The following NPAS3 variants were observed in gnomAD, a reference collection of about 807,000 sequenced individuals.
NPAS3 encodes the protein neuronal PAS domain-containing protein 3.
A neutral mutation model predicts 73.1 loss-of-function variants in NPAS3; 14 were observed. The ratio of observed to expected loss-of-function variants is 0.19; its 90% CI spans 0.13 to 0.30. The LOEUF is 0.30. Ranked by LOEUF, NPAS3 falls within the 10% of genes least tolerant of loss-of-function variation. The probability of loss-of-function intolerance (pLI) is 1.00; values close to 1 mark genes in which losing one functional copy is unlikely to be tolerated. For missense variants in NPAS3, 1,096 were observed against 1,250.0 expected (o/e 0.88, Z 1.86); for synonymous variants, 620 against 541.5 (o/e 1.14, Z -2.01).
chr14:33,067,690 C>G (rs10140504), intron 2 of NPAS3, among the ~76,000 whole-genome samples: 139,579 of 152,214 alleles, frequency 0.92, 64,332 homozygotes, highest in African/African-American at 0.96. Flanking sequence ...TAAGTGATTC[C>G]AAGTATTTCA....
intron 2 of NPAS3, among the ~76,000 whole-genome samples, chr14:33,141,661 C>A (rs1258374810): frequency 1.3e-5 from 2 of 152,096 alleles, no homozygotes; most frequent in African/African-American, 4.8e-5. Flanking sequence ...TATGGATATA[C>A]TATAATCCTC....
intron 3 of NPAS3, among the ~76,000 whole-genome samples, chr14:33,221,717 G>C (rs1008638753): frequency 4.6e-5 from 7 of 152,088 alleles, no homozygotes; most frequent in Non-Finnish European, 1.0e-4. Flanking sequence ...TATGCATTAA[G>C]ATTAATCAAC....
At chr14:33,403,721 G>A (rs1424457886) in intron 4 of NPAS3, among the ~76,000 whole-genome samples, 2 of 152,012 alleles carry the variant, frequency 1.3e-5, no homozygotes, top group East Asian at 3.9e-4. Context: ...ACCTCCCCCA[G>A]TATTAACTGC....
chr14:33,168,222 T>C (rs2045241756), intron 2 of NPAS3, among the ~76,000 whole-genome samples: 1 of 152,110 alleles, frequency 6.6e-6, no homozygotes, highest in Non-Finnish European at 1.5e-5. Context: ...AAAGTTGGGG[T>C]AAACTCTGAG....
At chr14:33,021,260 G>A (rs1019521238) in intron 1 of NPAS3, among the ~76,000 whole-genome samples, 1 of 152,170 alleles carries the variant, frequency 6.6e-6, no homozygotes, top group African/African-American at 2.4e-5. Flanking sequence ...GTGCTTCAAT[G>A]CGTACAAAGA....
chr14:33,351,821 C>T (rs1170423957), intron 3 of NPAS3, among the ~76,000 whole-genome samples: 2 of 152,116 alleles, frequency 1.3e-5, no homozygotes, highest in Admixed American at 6.5e-5. Flanking sequence ...TATGCATGTT[C>T]TCACTCATAA....
intron 9 of NPAS3, among the ~76,000 whole-genome samples, chr14:33,786,763 G>A (rs894261989): frequency 1.3e-5 from 2 of 152,186 alleles, no homozygotes; most frequent in Non-Finnish European, 2.9e-5. Flanking sequence ...ACCTCTCACA[G>A]TAGAGACTTC....
At chr14:33,694,924 A>G (rs1374247350) in intron 6 of NPAS3, among the ~76,000 whole-genome samples, 4 of 152,128 alleles carry the variant, frequency 2.6e-5, no homozygotes, top group African/African-American at 9.7e-5. Flanking sequence ...CTTCATGTAC[A>G]TCTCCTACCA....
At chr14:33,448,766 G>A (rs562124176) in intron 4 of NPAS3, among the ~76,000 whole-genome samples, 5 of 152,204 alleles carry the variant, frequency 3.3e-5, no homozygotes, top group South Asian at 2.1e-4. Flanking sequence ...AAACGTTGCC[G>A]AAAACTGCTG....
chr14:33,191,801 G>A (rs1234160978), intron 2 of NPAS3, among the ~76,000 whole-genome samples: 1 of 152,120 alleles, frequency 6.6e-6, no homozygotes, highest in Non-Finnish European at 1.5e-5. Flanking sequence ...GTGGCAGATG[G>A]CCACACAAAG....
At position 33,627,239 on chromosome 14, in the gene NPAS3, G is replaced by A. The variant is rs7140666; in HGVS notation, c.559-48972G>A. Among the ~76,000 whole-genome samples, 1,018 of 152,212 alleles carry A rather than the reference G, an allele frequency of 6.7e-3. 9 individuals carry two copies. Among genetic ancestry groups the A allele is most frequent in the African/African-American group, 0.023 (960 of 41,536 alleles). On this transcript the variant is annotated intron_variant, in intron 5 of 11. Transcript: ENST00000356141. The stretch of plus-strand genomic sequence containing the variant: ...GATAACAAATGTGAGATCATGAGGA[G>A]GATTCCTCATATAACGTACAAATAA...
At chr14:33,655,355 T>A (rs2059115913) in intron 5 of NPAS3, among the ~76,000 whole-genome samples, 1 of 141,996 alleles carries the variant, frequency 7.0e-6, no homozygotes, top group South Asian at 2.4e-4. Context: ...TTTTTTTTTT[T>A]AACAGCAAGT....
intron 2 of NPAS3, among the ~76,000 whole-genome samples, chr14:33,198,500 C>T (rs954868994): frequency 1.3e-5 from 2 of 152,174 alleles, no homozygotes; most frequent in Non-Finnish European, 2.9e-5. Context: ...ACCAGATTAA[C>T]TAGACACAGA....
intron 2 of NPAS3, among the ~76,000 whole-genome samples, chr14:33,204,082 C>T (rs1375247150): frequency 6.6e-6 from 1 of 152,130 alleles, no homozygotes. Context: ...TGATGATGAG[C>T]ATTTTTTCAT....
chr14:33,258,969 A>G lies in NPAS3; in HGVS notation c.385+43543A>G, dbSNP rs543108999. ...GCTGGGACTACAGGCGCCCGCCACC[A>G]TGCCCAGCTAATTTTTTGTATTTTT... On this transcript the variant is annotated intron_variant, in intron 3 of 11. Transcript: ENST00000356141. Among the ~76,000 whole-genome samples the G allele has an allele frequency of 4.9e-4, 74 of 152,202 alleles. 1 individual carries two copies. In the Middle Eastern group the frequency reaches 0.01, roughly 21 times the overall value.
chr14:33,098,714 A>C (rs1019186499), intron 2 of NPAS3, among the ~76,000 whole-genome samples: 1 of 152,246 alleles, frequency 6.6e-6, no homozygotes, highest in Admixed American at 6.5e-5. Flanking sequence ...TAGTGTATCA[A>C]ACTAGACTTT....
intron 4 of NPAS3, among the ~76,000 whole-genome samples, chr14:33,441,215 A>C (rs1333503081): frequency 3.3e-5 from 5 of 152,250 alleles, no homozygotes; most frequent in Non-Finnish European, 5.9e-5. Flanking sequence ...TAAGAAATAT[A>C]ATATGCAGAT....
chr14:33,280,633 G>A (rs1203294298), intron 3 of NPAS3, among the ~76,000 whole-genome samples: 1 of 152,156 alleles, frequency 6.6e-6, no homozygotes, highest in Non-Finnish European at 1.5e-5. Flanking sequence ...CATTTTGAAA[G>A]TGTTAAGGAA....
chr14:33,658,179 T>C (rs979094753), intron 5 of NPAS3, among the ~76,000 whole-genome samples: 6 of 152,202 alleles, frequency 3.9e-5, no homozygotes, highest in Admixed American at 3.9e-4. Context: ...TTCATTCTCC[T>C]CATCAGAGGA....
Sources: gnomAD v4.1 joint callset for allele counts (sites outside exome capture counted in the v4.1 genomes callset) on GRCh38, gnomAD v4.1.1 for gene constraint, MANE v1.5 for transcripts, NCBI Gene and HGNC (gene_info 2026-07-23, HGNC 2026-07-21) for gene names.